KDM2B: variants seen among roughly 807,000 people sequenced by gnomAD.
The protein encoded by KDM2B is lysine demethylase 2B.
A neutral mutation model predicts 150.0 loss-of-function variants in KDM2B; 26 were observed. The observed-to-expected ratio is 0.17, with a 90% CI of 0.13 to 0.24. The LOEUF is 0.24. Ranked by LOEUF, KDM2B falls within the 10% of genes least tolerant of loss-of-function variation. The probability of loss-of-function intolerance (pLI) is 1.00; values close to 1 mark genes in which losing one functional copy is unlikely to be tolerated. For missense variants in KDM2B, 1,265 were observed against 1,816.9 expected (o/e 0.70, Z 5.52); for synonymous variants, 734 against 729.5 (o/e 1.01, Z -0.10).
intron 19 of KDM2B, 89 bp from the exon 20 acceptor site, chr12:121,441,322 A>C: frequency 3.1e-6 from 4 of 1,292,268 alleles, no homozygotes; most frequent in Non-Finnish European, 4.3e-6. Context: ...CCACCTAACA[A>C]CCTCTGGGAG....
Position 121,521,250 on chromosome 12 carries a change from G to A in KDM2B, c.932-150C>T, listed in dbSNP as rs933894967. 32 of 602,748 alleles carry A rather than the reference G, an allele frequency of 5.3e-5. No homozygotes were observed. Among genetic ancestry groups the A allele is most frequent in the Non-Finnish European group, 9.3e-5 (31 of 332,956 alleles). 37.3% of individuals were successfully genotyped at this position (602,748 alleles called of 1,614,324 possible). A position where few individuals can be genotyped will look rare whatever the true frequency, so the allele number is the denominator to read the frequency against. On this transcript the variant is annotated intron_variant, in intron 8 of 22. Transcript: ENST00000377071. The surrounding 1 kb of genome is among the most constrained non-coding windows in gnomAD (Gnocchi z 4.9). ...GCCTGGGGCAGCGGCGCCCAGCAAT[G>A]CCTGCTGCACAACGCCCAGGCCTGA...
At chr12:121,578,218 G>A (rs911169541) in intron 2 of KDM2B, among the ~76,000 whole-genome samples, 1 of 152,210 alleles carries the variant, frequency 6.6e-6, no homozygotes, top group African/African-American at 2.4e-5. Flanking sequence ...AACAGCTTCA[G>A]GGCTCATGGG....
chr12:121,560,835 G>A (rs75059909), intron 4 of KDM2B, among the ~76,000 whole-genome samples: 3 of 152,188 alleles, frequency 2.0e-5, no homozygotes, highest in Admixed American at 6.5e-5. Flanking sequence ...GGAGGGGACA[G>A]ATCAGTGCCA....
Position 121,548,866 on chromosome 12 carries a change from G to C in KDM2B, c.683+11C>G. On this transcript the variant is annotated intron_variant, in intron 6 of 22. Coordinates refer to ENST00000377071, the MANE Select transcript of KDM2B (RefSeq NM_032590.5). ...CCCTGCCAGCTCTGGCCACCAGCCA[G>C]GCAGTCTTACTTTTTCACTTTCGGG... The C allele has an allele frequency of 6.2e-7, 1 of 1,608,206 alleles. No individual in the cohort carries two copies. Among genetic ancestry groups the C allele is most frequent in the Non-Finnish European group, 8.5e-7 (1 of 1,174,622 alleles).
chr12:121,432,974 C>CTGACA (rs1873307895), intron 22 of KDM2B, among the ~76,000 whole-genome samples: 2 of 152,208 alleles, frequency 1.3e-5, no homozygotes, highest in African/African-American at 2.4e-5. Context: ...TGGCCTGTAG[C>CTGACA]TGTCAGACGG....
intron 16 of KDM2B, 71 bp from the exon 17 acceptor site, chr12:121,443,864 C>G: frequency 7.2e-7 from 1 of 1,394,952 alleles, no homozygotes; most frequent in Non-Finnish European, 9.9e-7. Context: ...GCAGGGCTCT[C>G]AGGACTTAGG....
At chr12:121,500,828 C>A (rs538195975) in intron 11 of KDM2B, among the ~76,000 whole-genome samples, 1 of 152,222 alleles carries the variant, frequency 6.6e-6, no homozygotes, top group Non-Finnish European at 1.5e-5. Flanking sequence ...AGGCCAGGCA[C>A]AGTGGCTCCC....
intron 6 of KDM2B, among the ~76,000 whole-genome samples, chr12:121,542,913 T>C (rs1888715261): frequency 6.6e-6 from 1 of 152,212 alleles, no homozygotes; most frequent in African/African-American, 2.4e-5. Flanking sequence ...GTCCACCCAC[T>C]ACTACATAGA....
chr12:121,477,673 G>A (rs1010939161), intron 12 of KDM2B, among the ~76,000 whole-genome samples: 6 of 151,386 alleles, frequency 4.0e-5, no homozygotes, highest in African/African-American at 1.5e-4. Flanking sequence ...TGCCTCCCGG[G>A]TTCAAGCGAT....
intron 8 of KDM2B, chr12:121,524,625 T>G: frequency 7.1e-6 from 3 of 422,988 alleles, no homozygotes; most frequent in South Asian, 3.4e-5. Context: ...CATGCCTCCC[T>G]CAGTAAGAAG....
chr12:121,447,770 C>T (rs1470260672), intron 13 of KDM2B, among the ~76,000 whole-genome samples: 2 of 151,744 alleles, frequency 1.3e-5, no homozygotes, highest in Non-Finnish European at 2.9e-5. Context: ...TGGGTTCAAG[C>T]GATTCTCCCA....
Position 121,467,882 on chromosome 12 carries a change from C to T in KDM2B, c.1735-14538G>A, listed in dbSNP as rs1016956921. The T allele has an allele frequency of 3.3e-5, 5 of 152,362 alleles. No individual in the cohort carries two copies. Among genetic ancestry groups the T allele is most frequent in the Admixed American group, 2.0e-4 (3 of 15,284 alleles). The allele number at this position is 152,362 out of a possible 1,614,324, so 9.4% of individuals were successfully genotyped here. On this transcript the variant is annotated intron_variant, in intron 12 of 22. Transcript: ENST00000377071. This position sits in a 1 kb window ranked among gnomAD's most constrained non-coding sequence, Gnocchi z 5.1. ...GACCTGAAGCGCACGAACCCGGGAA[C>T]CCCCGACCCAGAGCCTGCAGGACCG...
rs1375169688 is a variant in KDM2B at position 121,533,299 on chromosome 12, G to C, written c.778-340C>G. Among the ~76,000 whole-genome samples, 3 of 152,298 alleles carry C rather than the reference G, an allele frequency of 2.0e-5. No homozygotes were observed. Among genetic ancestry groups the C allele is most frequent in the Non-Finnish European group, 4.4e-5 (3 of 68,014 alleles). ...GGAGAGGAAGGGAATTTCCTAAGTTGTAAGATAAAATAGCCCAGTAAATAA... is the reference window on the plus strand; with the variant it reads ...GGAGAGGAAGGGAATTTCCTAAGTTCTAAGATAAAATAGCCCAGTAAATAA... On this transcript the variant is annotated intron_variant, in intron 7 of 22. Coordinates refer to ENST00000377071, the MANE Select transcript of KDM2B (RefSeq NM_032590.5). The surrounding 1 kb of genome is among the most constrained non-coding windows in gnomAD (Gnocchi z 4.1).
At chr12:121,572,424 C>T (rs1408848813) in intron 4 of KDM2B, among the ~76,000 whole-genome samples, 2 of 152,152 alleles carry the variant, frequency 1.3e-5, no homozygotes, top group African/African-American at 4.8e-5. Context: ...TCACTCAGTT[C>T]CGCACTCCAA....
intron 4 of KDM2B, among the ~76,000 whole-genome samples, chr12:121,568,597 A>G (rs571514812): frequency 1.3e-5 from 2 of 152,270 alleles, no homozygotes; most frequent in African/African-American, 4.8e-5. Flanking sequence ...TAAAGAAGAC[A>G]TCCTCCACGA....
intron 12 of KDM2B, among the ~76,000 whole-genome samples, chr12:121,461,317 C>A (rs1879088361): frequency 6.6e-6 from 1 of 152,176 alleles, no homozygotes; most frequent in Non-Finnish European, 1.5e-5. Context: ...GGAGCCTCAT[C>A]CTGCAGGGCC....
intron 4 of KDM2B, among the ~76,000 whole-genome samples, chr12:121,571,819 T>C (rs1891116797): frequency 6.6e-6 from 1 of 151,448 alleles, no homozygotes; most frequent in Admixed American, 6.6e-5. Flanking sequence ...CCCAGCTAAT[T>C]TTTTGTATTT....
intron 6 of KDM2B, among the ~76,000 whole-genome samples, chr12:121,540,945 A>T (rs1463065103): frequency 6.7e-6 from 1 of 150,056 alleles, no homozygotes; most frequent in Non-Finnish European, 1.5e-5. Flanking sequence ...TCCCTTCAAG[A>T]GGATGGGCCA....
At chr12:121,565,600 G>A (rs1036636109) in intron 4 of KDM2B, among the ~76,000 whole-genome samples, 6 of 150,622 alleles carry the variant, frequency 4.0e-5, no homozygotes, top group Non-Finnish European at 8.9e-5. Flanking sequence ...TAAAACGCGC[G>A]GGCCACCGCG....
Sources: allele counts gnomAD v4.1 joint callset (sites outside exome capture counted in the v4.1 genomes callset), GRCh38; gene constraint gnomAD v4.1.1; non-coding constraint Gnocchi (gnomAD v3.1); transcripts MANE v1.5; gene names NCBI Gene and HGNC (gene_info 2026-07-23, HGNC 2026-07-21).